NXPH1: variants seen among roughly 807,000 people sequenced by gnomAD.
NXPH1 encodes neurexophilin-1.
NXPH1 carries 5 observed loss-of-function variants against 23.7 expected under a neutral mutation model. That is an observed-to-expected ratio of 0.21 (90% CI 0.11 to 0.44). The LOEUF (loss-of-function observed/expected upper bound fraction) is 0.44. NXPH1 is among the 20% of genes least tolerant of loss of function. NXPH1 has a pLI of 0.99. For synonymous variants in NXPH1, 144 were observed against 122.2 expected, an observed-to-expected ratio of 1.18 and a Z score of -1.18; for missense variants, 324 against 321.6, an observed-to-expected ratio of 1.01 and a Z score of -0.06.
At chr7:8,494,544 C>A (rs1197215364) in intron 2 of NXPH1, among the ~76,000 whole-genome samples, 1 of 151,912 alleles carries the variant, frequency 6.6e-6, no homozygotes, top group Non-Finnish European at 1.5e-5. Flanking sequence ...ATCACAATCA[C>A]ATAGTAACAG....
chr7:8,696,156 T>C (rs1779499131), intron 2 of NXPH1, among the ~76,000 whole-genome samples: 1 of 152,266 alleles, frequency 6.6e-6, no homozygotes. Context: ...TTTCCTCTGG[T>C]ATGAACTGTT....
At chr7:8,624,801 A>G (rs1275664680) in intron 2 of NXPH1, among the ~76,000 whole-genome samples, 1 of 152,150 alleles carries the variant, frequency 6.6e-6, no homozygotes, top group African/African-American at 2.4e-5. Flanking sequence ...GCAATGGTTC[A>G]TTGTGGAAGC....
At chr7:8,719,527 A>G (rs1015836385) in intron 2 of NXPH1, among the ~76,000 whole-genome samples, 1 of 152,260 alleles carries the variant, frequency 6.6e-6, no homozygotes, top group Non-Finnish European at 1.5e-5. Context: ...ATAATTTCAC[A>G]TTCTAAAAGT....
At chr7:8,750,493 T>G (rs527285664) in intron 2 of NXPH1, among the ~76,000 whole-genome samples, 1 of 152,282 alleles carries the variant, frequency 6.6e-6, no homozygotes, top group African/African-American at 2.4e-5. Flanking sequence ...TTTGCCTCTC[T>G]GTGTCCAGAG....
chr7:8,531,263 C>T (rs1343671667), intron 2 of NXPH1, among the ~76,000 whole-genome samples: 2 of 152,100 alleles, frequency 1.3e-5, no homozygotes, highest in African/African-American at 2.4e-5. Flanking sequence ...AAATTTGAAA[C>T]AGTCCATAAA....
At chr7:8,543,060 C>A (rs117175915) in intron 2 of NXPH1, among the ~76,000 whole-genome samples, 3 of 151,570 alleles carry the variant, frequency 2.0e-5, no homozygotes, top group African/African-American at 7.3e-5. Context: ...CCCTCCTTGA[C>A]CCCCATGATG....
At chr7:8,510,737 G>A (rs1298104559) in intron 2 of NXPH1, among the ~76,000 whole-genome samples, 1 of 152,068 alleles carries the variant, frequency 6.6e-6, no homozygotes, top group Admixed American at 6.6e-5. Flanking sequence ...CATAATGTAT[G>A]TATTTATAAC....
At chr7:8,682,577 C>A (rs1287210996) in intron 2 of NXPH1, among the ~76,000 whole-genome samples, 2 of 152,164 alleles carry the variant, frequency 1.3e-5, no homozygotes, top group Non-Finnish European at 2.9e-5. Flanking sequence ...CTTATATCAT[C>A]TGGGGAAAAA....
intron 2 of NXPH1, among the ~76,000 whole-genome samples, chr7:8,610,761 C>T (rs1819600781): frequency 6.6e-6 from 1 of 151,660 alleles, no homozygotes; most frequent in African/African-American, 2.4e-5. Context: ...CTTAGAACAA[C>T]TGAATTAGGG....
At chr7:8,690,846 C>T (rs2115183246) in intron 2 of NXPH1, among the ~76,000 whole-genome samples, 1 of 152,302 alleles carries the variant, frequency 6.6e-6, no homozygotes, top group African/African-American at 2.4e-5. Flanking sequence ...CTTCCCTTTC[C>T]TGGCCCACTG....
intron 2 of NXPH1, among the ~76,000 whole-genome samples, chr7:8,659,293 C>T (rs1820632165): frequency 6.6e-6 from 1 of 152,162 alleles, no homozygotes; most frequent in African/African-American, 2.4e-5. Flanking sequence ...TGGATGCCTT[C>T]AGTATTTAGG....
chr7:8,634,406 A>C (rs1820183438), intron 2 of NXPH1, among the ~76,000 whole-genome samples: 1 of 152,116 alleles, frequency 6.6e-6, no homozygotes, highest in African/African-American at 2.4e-5. Context: ...TTACTTAGTA[A>C]ATTTAATTTA....
At chr7:8,540,310 A>AGTGAAGTAATTGGG (rs1818094286) in intron 2 of NXPH1, among the ~76,000 whole-genome samples, 1 of 151,850 alleles carries the variant, frequency 6.6e-6, no homozygotes, top group Admixed American at 6.6e-5. Flanking sequence ...TGTCGGTAAA[A>AGTGAAGTAATTGGG]GTGAAGTAAT....
intron 2 of NXPH1, among the ~76,000 whole-genome samples, chr7:8,736,859 T>A (rs964054670): frequency 1.3e-5 from 2 of 152,214 alleles, no homozygotes; most frequent in African/African-American, 4.8e-5. Context: ...CTTGTTACAT[T>A]GATCCCTTTA....
chr7:8,455,718 T>C lies in NXPH1; in HGVS notation c.54+19951T>C, dbSNP rs112813152. 2.8e-3 allele frequency among the ~76,000 whole-genome samples: 424 copies of C among 152,322 alleles called. 1 individual carries two copies. The highest frequency in any genetic ancestry group is 9.7e-3 in the African/African-American group (403 of 41,576). On this transcript the variant is annotated intron_variant, in intron 2 of 2. Coordinates refer to ENST00000405863, the MANE Select transcript of NXPH1 (RefSeq NM_152745.3). ...TTGGGAGGAAATTGCCTGCTGCTTA[T>C]CAGCATCCTCTCTTCGTTGCTTCTT...
At chr7:8,511,533 A>G (rs982662060) in intron 2 of NXPH1, among the ~76,000 whole-genome samples, 17 of 152,078 alleles carry the variant, frequency 1.1e-4, no homozygotes, top group Non-Finnish European at 2.1e-4. Flanking sequence ...ACCTTGACAT[A>G]TCTCCTTCAC....
rs1342100180 is a variant in NXPH1 at position 8,470,939 on chromosome 7, A to ATGGTTCAG, written c.54+35173_54+35180dup. Among the ~76,000 whole-genome samples, 47 of 152,024 alleles carry ATGGTTCAG rather than the reference A, an allele frequency of 3.1e-4. 1 individual carries two copies. The highest frequency in any genetic ancestry group is 9.7e-4 in the African/African-American group (40 of 41,416). On this transcript the variant is annotated intron_variant, in intron 2 of 2. Coordinates refer to ENST00000405863, the MANE Select transcript of NXPH1 (RefSeq NM_152745.3). Reference sequence around the variant, plus strand: ...TGGGAATGGGATCTTATAAAATTCTATGGTTCAGAGAGGATCTTACAAATT... The same window carrying ATGGTTCAG: ...TGGGAATGGGATCTTATAAAATTCTATGGTTCAGTGGTTCAGAGAGGATCTTACAAATT...
intron 2 of NXPH1, among the ~76,000 whole-genome samples, chr7:8,656,577 T>C (rs945577712): frequency 1.3e-5 from 2 of 151,148 alleles, no homozygotes; most frequent in Non-Finnish European, 2.9e-5. Flanking sequence ...AGTTTTAGGG[T>C]ACATGTGCAC....
intron 2 of NXPH1, among the ~76,000 whole-genome samples, chr7:8,473,831 G>A (rs1270777103): frequency 2.0e-5 from 3 of 151,986 alleles, no homozygotes; most frequent in Admixed American, 2.0e-4. Flanking sequence ...AATTTGACTA[G>A]TCTAGATGAA....
Sources: allele counts gnomAD v4.1 joint callset (sites outside exome capture counted in the v4.1 genomes callset), GRCh38; gene constraint gnomAD v4.1.1; transcripts MANE v1.5; gene names NCBI Gene and HGNC (gene_info 2026-07-23, HGNC 2026-07-21).